The following GALNTL6 variants were observed in gnomAD, a reference collection of about 807,000 sequenced individuals.
The protein encoded by GALNTL6 is polypeptide N-acetylgalactosaminyltransferase-like 6.
A neutral mutation model predicts 73.7 loss-of-function variants in GALNTL6; 46 were observed. The ratio of observed to expected loss-of-function variants is 0.62; its 90% confidence interval spans 0.49 to 0.80. GALNTL6 has a LOEUF of 0.80. Ranked by LOEUF, GALNTL6 falls within the 30% of genes least tolerant of loss-of-function variation. The pLI, the probability that GALNTL6 is intolerant of heterozygous loss-of-function variation, is 0.00. For missense variants in GALNTL6, 604 were observed against 755.0 expected, an observed-to-expected ratio of 0.80 and a Z score of 2.34; for synonymous variants, 259 against 263.7, an observed-to-expected ratio of 0.98 and a Z score of 0.17.
intron 8 of GALNTL6, among the ~76,000 whole-genome samples, chr4:172,886,624 G>A (rs994983054): frequency 6.6e-6 from 1 of 152,088 alleles, no homozygotes; most frequent in African/African-American, 2.4e-5. Context: ...TTAGTTGGGC[G>A]TGGTGGCGCA....
At chr4:172,747,108 T>C (rs1737156202) in intron 5 of GALNTL6, among the ~76,000 whole-genome samples, 2 of 152,108 alleles carry the variant, frequency 1.3e-5, no homozygotes, top group Non-Finnish European at 2.9e-5. Context: ...AAAATAGTTA[T>C]GAGCAAATTT....
chr4:171,889,686 A>G (rs1380957985), intron 2 of GALNTL6, among the ~76,000 whole-genome samples: 1 of 152,122 alleles, frequency 6.6e-6, no homozygotes, highest in Non-Finnish European at 1.5e-5. Flanking sequence ...AGAAAAAATG[A>G]GTCGCAATGG....
chr4:172,448,265 C>T (rs1043426584), intron 5 of GALNTL6, among the ~76,000 whole-genome samples: 1 of 152,130 alleles, frequency 6.6e-6, no homozygotes, highest in African/African-American at 2.4e-5. Flanking sequence ...TATCAAACAG[C>T]CTAGATCTTA....
intron 5 of GALNTL6, among the ~76,000 whole-genome samples, chr4:172,739,855 G>A (rs1377012260): frequency 6.6e-6 from 1 of 151,820 alleles, no homozygotes. Flanking sequence ...AAGCCTCTCA[G>A]TGGGGGAAAA....
In GALNTL6 at chr4:173,039,707, C is replaced by A. The variant is rs1753829045; in HGVS notation, c.1639-226C>A. Among the ~76,000 whole-genome samples, 4 of 152,120 alleles carry A rather than the reference C, an allele frequency of 2.6e-5. No individual in the cohort carries two copies. In the South Asian group the frequency reaches 8.3e-4, roughly 32 times the overall value. Reference sequence around the variant, plus strand: ...TTGAATGAATAAATACATTTATTGTCTCTAATTGAACCTGCTTGTAGGCCC... The same window carrying A: ...TTGAATGAATAAATACATTTATTGTATCTAATTGAACCTGCTTGTAGGCCC... On this transcript the variant is annotated intron_variant, in intron 12 of 12. Coordinates refer to ENST00000506823, the MANE Select transcript of GALNTL6 (RefSeq NM_001034845.3).
intron 5 of GALNTL6, among the ~76,000 whole-genome samples, chr4:172,745,146 T>C (rs1737032911): frequency 6.6e-6 from 1 of 151,584 alleles, no homozygotes; most frequent in African/African-American, 2.4e-5. Context: ...TAGGGAAAGC[T>C]GGGATAAAAG....
intron 2 of GALNTL6, among the ~76,000 whole-genome samples, chr4:172,072,483 C>T (rs1347922032): frequency 6.6e-6 from 1 of 152,122 alleles, no homozygotes; most frequent in Non-Finnish European, 1.5e-5. Flanking sequence ...TTGAACTACA[C>T]ACGTAAAAGA....
At chr4:171,851,726 G>A (rs1735528030) in intron 2 of GALNTL6, among the ~76,000 whole-genome samples, 1 of 152,138 alleles carries the variant, frequency 6.6e-6, no homozygotes, top group African/African-American at 2.4e-5. Context: ...TCATAATAAA[G>A]CAGGCTGACT....
At chr4:172,854,224 T>C (rs1744000777) in intron 7 of GALNTL6, among the ~76,000 whole-genome samples, 1 of 152,172 alleles carries the variant, frequency 6.6e-6, no homozygotes, top group African/African-American at 2.4e-5. Context: ...CTTTGGCCCA[T>C]ATCCTACTCT....
chr4:172,901,501 TG>T (rs1746628174), intron 8 of GALNTL6, among the ~76,000 whole-genome samples: 1 of 152,140 alleles, frequency 6.6e-6, no homozygotes, highest in Non-Finnish European at 1.5e-5. Flanking sequence ...TCTGGATAAC[TG>T]AGAGTTTACT....
chr4:172,141,882 AACAC>A (rs200060015), intron 2 of GALNTL6, among the ~76,000 whole-genome samples: 31 of 108,946 alleles, frequency 2.8e-4, no homozygotes, highest in South Asian at 9.4e-4. Flanking sequence ...AACACACACA[AACAC>A]ACACACACAC....
intron 3 of GALNTL6, among the ~76,000 whole-genome samples, chr4:172,289,308 C>G (rs1163882488): frequency 6.6e-6 from 1 of 152,192 alleles, no homozygotes; most frequent in Non-Finnish European, 1.5e-5. Context: ...AACTCCTCAT[C>G]ATTGTTTAAT....
chr4:171,895,698 A>T (rs369593885), intron 2 of GALNTL6, among the ~76,000 whole-genome samples: 2 of 152,336 alleles, frequency 1.3e-5, no homozygotes, highest in South Asian at 4.1e-4. Flanking sequence ...TCTCAAAATT[A>T]AAAAGAAAGA....
At chr4:171,940,922 T>G (rs970463237) in intron 2 of GALNTL6, among the ~76,000 whole-genome samples, 2 of 151,734 alleles carry the variant, frequency 1.3e-5, no homozygotes, top group Admixed American at 1.3e-4. Flanking sequence ...GAATGTTATC[T>G]CATATAATAC....
intron 11 of GALNTL6, among the ~76,000 whole-genome samples, chr4:173,010,544 G>A (rs1561084732): frequency 6.6e-6 from 1 of 151,960 alleles, no homozygotes; most frequent in African/African-American, 2.4e-5. Context: ...TGGTATTGCT[G>A]GATCACATGA....
intron 5 of GALNTL6, among the ~76,000 whole-genome samples, chr4:172,573,028 A>G (rs1736822486): frequency 6.6e-6 from 1 of 152,126 alleles, no homozygotes; most frequent in South Asian, 2.1e-4. Context: ...CCATAATATC[A>G]CTAAATAGAA....
At chr4:172,173,508 T>G (rs1217975790) in intron 2 of GALNTL6, among the ~76,000 whole-genome samples, 1 of 152,208 alleles carries the variant, frequency 6.6e-6, no homozygotes, top group East Asian at 1.9e-4. Flanking sequence ...AGCAACCTTC[T>G]GCGTGGGCCA....
chr4:171,900,750 A>T, intron 2 of GALNTL6, among the ~76,000 whole-genome samples: 1 of 152,264 alleles, frequency 6.6e-6, no homozygotes, highest in East Asian at 1.9e-4. Context: ...GAAAACAATC[A>T]ATTGAGATTG....
At chr4:172,126,852 C>G (rs1733309432) in intron 2 of GALNTL6, among the ~76,000 whole-genome samples, 1 of 152,188 alleles carries the variant, frequency 6.6e-6, no homozygotes, top group Non-Finnish European at 1.5e-5. Context: ...ACCTCATTGA[C>G]ATTCCCTACC....
Sources: gnomAD v4.1 joint callset for allele counts (sites outside exome capture counted in the v4.1 genomes callset) on GRCh38, gnomAD v4.1.1 for gene constraint, MANE v1.5 for transcripts, NCBI Gene and HGNC (gene_info 2026-07-23, HGNC 2026-07-21) for gene names.